The following PSMC6 variants were observed in gnomAD, a reference collection of about 807,000 sequenced individuals.
PSMC6 encodes the protein 26S proteasome regulatory subunit 10B.
Under a neutral mutation model 55.9 loss-of-function variants are expected in PSMC6, and 3 were observed. The ratio of observed to expected loss-of-function variants is 0.05; its 90% confidence interval spans 0.02 to 0.14. The LOEUF is 0.14. PSMC6 is among the 10% of genes least tolerant of loss of function. The pLI, the probability that PSMC6 is intolerant of heterozygous loss-of-function variation, is 1.00. For missense variants in PSMC6, 210 were observed against 478.7 expected (o/e 0.44, Z 5.24); for synonymous variants, 137 against 155.9 (o/e 0.88, Z 0.90).
In PSMC6 at chr14:52,708,782, A is replaced by G. The variant is rs773343252; in HGVS notation, c.224A>G (p.Asn75Ser). 6.2e-7 allele frequency: 1 copy of G among 1,613,700 alleles called. No individual in the cohort carries two copies. Among genetic ancestry groups the G allele is most frequent in the Non-Finnish European group, 8.5e-7 (1 of 1,179,872 alleles). ...CTTCTAGTCATTGTTAAAGCTACCA[A>G]TGGACCAAGATATGTTGTGGGTTGT... ...TEEKFIVKAT[N>S]GPRYVVGCRR... The change falls in exon 4 of 14, where the codon AAT becomes AGT. Residue 75 changes from asparagine (N) to serine (S), a missense_variant. By Grantham distance (46) the Asn-to-Ser change is conservative (BLOSUM62 1). This residue lies in a region of PSMC6 where 101 missense variants were observed against 250.4 expected (regional missense o/e 0.40). Coordinates refer to ENST00000445930, the MANE Select transcript of PSMC6 (RefSeq NM_002806.5).
chr14:52,727,701 T>C lies in PSMC6; in HGVS notation c.*84T>C, dbSNP rs6696. 0.6 allele frequency: 500,279 copies of C among 833,082 alleles called. 151,512 individuals carry two copies. Among genetic ancestry groups the C allele is most frequent in the African/African-American group, 0.69 (40,066 of 58,432 alleles). The allele number at this position is 833,082 out of a possible 1,614,324, so 51.6% of individuals were successfully genotyped here. ...TTAAAGAAAATAATGTATGTATTGG[T>C]AATGATGTCATTAAAAGTATATGAA... is the stretch of plus-strand genomic sequence containing the variant. On this transcript the variant is annotated 3_prime_UTR_variant, in exon 14 of 14. Coordinates refer to ENST00000445930, the MANE Select transcript of PSMC6 (RefSeq NM_002806.5).
At chr14:52,722,075 T>G (rs1316217028) in intron 12 of PSMC6, 2 of 152,480 alleles carry the variant, frequency 1.3e-5, no homozygotes, top group Non-Finnish European at 2.9e-5. Flanking sequence ...TTTGTTTGTT[T>G]GTTTTTTAAA....
At chr14:52,720,367 C>CAAAAAAAAAAAAAAAAAA (rs71444775) in intron 10 of PSMC6, among the ~76,000 whole-genome samples, 3 of 41,482 alleles carry the variant, frequency 7.2e-5, no homozygotes, top group African/African-American at 2.7e-4. Flanking sequence ...AACTCTGTCT[C>CAAAAAAAAAAAAAAAAAA]AAAAAAAAAA....
At chr14:52,723,937 A>G in intron 12 of PSMC6, 28 bp from the exon 13 acceptor site, 1 of 1,607,362 alleles carries the variant, frequency 6.2e-7, no homozygotes, top group Non-Finnish European at 8.5e-7. Context: ...AATTTTTAAA[A>G]CTAATTTCCA....
chr14:52,708,299 A>G lies in PSMC6; in HGVS notation c.86-10A>G, dbSNP rs981672551. ...GTTCAATTAAAAATGTTCAAATTGT[A>G]TTATTTCAGTAAGGGAACAATTAAA... On this transcript the variant is annotated splice_polypyrimidine_tract_variant and intron_variant, in intron 1 of 13. Transcript: ENST00000445930. 1 of 1,592,044 alleles carries G rather than the reference A, an allele frequency of 6.3e-7. No individual in the cohort carries two copies. The highest frequency in any genetic ancestry group is 1.1e-5 in the South Asian group (1 of 90,536).
At chr14:52,709,065 G>A (rs906991631) in intron 4 of PSMC6, 25 of 325,382 alleles carry the variant, frequency 7.7e-5, no homozygotes, top group Non-Finnish European at 9.9e-5. Flanking sequence ...AGAAATAAAA[G>A]TATTTTAGAA....
chr14:52,712,231 A>G (rs1215264125), intron 6 of PSMC6, among the ~76,000 whole-genome samples: 1 of 152,188 alleles, frequency 6.6e-6, no homozygotes, highest in East Asian at 1.9e-4. Flanking sequence ...TTTTTGGAAC[A>G]CTTATTAAAA....
intron 13 of PSMC6, among the ~76,000 whole-genome samples, chr14:52,725,204 TG>T (rs1284177477): frequency 6.6e-6 from 1 of 152,256 alleles, no homozygotes; most frequent in Non-Finnish European, 1.5e-5. Context: ...AAGATTGCTT[TG>T]GTTAGATTGT....
chr14:52,718,043 C>T lies in PSMC6; in HGVS notation c.530-38C>T, dbSNP rs757083155. ...CTGTCTCAAAACAAATTTTTTTCTA[C>T]CTTACCATCTAATTAAGACTTCTTT... On this transcript the variant is annotated intron_variant, in intron 7 of 13. Transcript: ENST00000445930. 3 of 1,598,276 alleles carry T rather than the reference C, an allele frequency of 1.9e-6. No individual in the cohort carries two copies. The Admixed American group carries it at 5.1e-5, about 27-fold the overall frequency.
At chr14:52,720,237 A>G (rs2139851730) in intron 10 of PSMC6, among the ~76,000 whole-genome samples, 1 of 149,272 alleles carries the variant, frequency 6.7e-6, no homozygotes, top group African/African-American at 2.5e-5. Context: ...AAAAAAAAAA[A>G]AAAAAAAGCA....
At chr14:52,715,579 C>T (rs2041821557) in intron 7 of PSMC6, among the ~76,000 whole-genome samples, 1 of 151,494 alleles carries the variant, frequency 6.6e-6, no homozygotes, top group South Asian at 2.1e-4. Flanking sequence ...ATATATCTGG[C>T]ACTATGTGGT....
chr14:52,720,565 GT>G (rs1484475886), intron 10 of PSMC6, among the ~76,000 whole-genome samples: 2 of 151,862 alleles, frequency 1.3e-5, no homozygotes, highest in Non-Finnish European at 1.5e-5. Flanking sequence ...GATCCACATA[GT>G]TTAATTTCAT....
chr14:52,713,913 A>G lies in PSMC6; in HGVS notation c.474A>G (p.Leu158=). The change falls in exon 7 of 14, where the codon TTA becomes TTG. Residue 158 remains leucine (L), a synonymous_variant. Coordinates refer to ENST00000445930, the MANE Select transcript of PSMC6 (RefSeq NM_002806.5). The part of the protein sequence containing the change: ...VIELPLTNPE[L]FQRVGIIPPK... ...AATTACCTCTTACAAACCCAGAGTT[A>G]TTTCAGCGTGTAGGAATAATACCTC... 2.5e-6 allele frequency: 4 copies of G among 1,601,564 alleles called. No individual in the cohort carries two copies. The highest frequency in any genetic ancestry group is 3.4e-6 in the Non-Finnish European group (4 of 1,171,224).
rs567184575 is a variant in PSMC6, at chr14:52,728,257, A to G, written c.*640A>G. 1.3e-5 allele frequency: 2 copies of G among 152,402 alleles called. No individual in the cohort carries two copies. Among genetic ancestry groups the G allele is most frequent in the South Asian group, 2.1e-4 (1 of 4,830 alleles). 9.4% of individuals were successfully genotyped at this position (152,402 alleles called of 1,614,324 possible). A position where few individuals can be genotyped will look rare whatever the true frequency, so the allele number is the denominator to read the frequency against. ...TGGTTAATTGAAAATATACATGCAC[A>G]TCCATAACTTTTTAAAGAGTATGAT... On this transcript the variant is annotated 3_prime_UTR_variant, in exon 14 of 14. Coordinates refer to ENST00000445930, the MANE Select transcript of PSMC6 (RefSeq NM_002806.5).
chr14:52,708,945 C>G, intron 4 of PSMC6, 129 bp downstream of exon 4: 1 of 1,341,462 alleles, frequency 7.5e-7, no homozygotes, highest in South Asian at 1.5e-5. Flanking sequence ...TTTGTTCAGA[C>G]ATAGCTAGTT....
At chr14:52,708,690 A>G (rs566195351) in intron 3 of PSMC6, 74 bp from the exon 4 acceptor site, 2 of 1,595,122 alleles carry the variant, frequency 1.3e-6, no homozygotes, top group Admixed American at 1.7e-5. Context: ...ATACAACTAA[A>G]CCCTCTGTCA....
intron 12 of PSMC6, chr14:52,722,641 G>A (rs1241678608): frequency 6.6e-6 from 1 of 152,162 alleles, no homozygotes; most frequent in Non-Finnish European, 1.5e-5. Context: ...TTAGAGATTT[G>A]AGGACAAAGG....
Position 52,727,719 on chromosome 14 carries a change from T to C in PSMC6, c.*102T>C. 3.0e-6 allele frequency: 2 copies of C among 661,882 alleles called. No individual in the cohort carries two copies. Among genetic ancestry groups the C allele is most frequent in the Non-Finnish European group, 5.1e-6 (2 of 395,478 alleles). 41.0% of individuals were successfully genotyped at this position (661,882 alleles called of 1,614,324 possible). ...GTATTGGTAATGATGTCATTAAAAG[T>C]ATATGAATAAAAATATGAGTAACAT... On this transcript the variant is annotated 3_prime_UTR_variant, in exon 14 of 14. Transcript: ENST00000445930.
chr14:52,723,700 A>C, intron 12 of PSMC6: 1 of 597,362 alleles, frequency 1.7e-6, no homozygotes, highest in Middle Eastern at 5.3e-4. Flanking sequence ...TAGCTATTTC[A>C]CTGTATAAAA....
Sources: allele counts gnomAD v4.1 joint callset (sites outside exome capture counted in the v4.1 genomes callset), GRCh38; gene constraint gnomAD v4.1.1; regional missense constraint gnomAD v4.1.1; transcripts MANE v1.5; gene names NCBI Gene and HGNC (gene_info 2026-07-23, HGNC 2026-07-21).